The following ARFGEF1 variants were observed in gnomAD, a reference collection of about 807,000 sequenced individuals.
The protein encoded by ARFGEF1 is brefeldin A-inhibited guanine nucleotide-exchange protein 1.
Under a neutral mutation model 231.0 loss-of-function variants are expected in ARFGEF1, and 42 were observed. That is an observed-to-expected ratio of 0.18 (90% CI 0.14 to 0.24). The LOEUF is 0.24. ARFGEF1 is among the 10% of genes least tolerant of loss of function. The probability of loss-of-function intolerance (pLI) is 1.00; values close to 1 mark genes in which losing one functional copy is unlikely to be tolerated. For synonymous variants in ARFGEF1, 710 were observed against 732.3 expected (o/e 0.97, Z 0.49); for missense variants, 1,345 against 2,192.0 (o/e 0.61, Z 7.72).
chr8:67,335,896 A>G (rs556419158), intron 1 of ARFGEF1, among the ~76,000 whole-genome samples: 1 of 151,880 alleles, frequency 6.6e-6, no homozygotes, highest in South Asian at 2.1e-4. Context: ...ACAGGCGCCC[A>G]CTGCCACCAC....
chr8:67,301,283 C>T lies in ARFGEF1; in HGVS notation c.253G>A (p.Glu85Lys). 6.2e-7 allele frequency: 1 copy of T among 1,614,012 alleles called. No homozygotes were observed. Among genetic ancestry groups the T allele is most frequent in the Non-Finnish European group, 8.5e-7 (1 of 1,180,012 alleles). ...GGACATTTGGACTGGCATGCCAACTCAAAAGGCAAGAAGTACTTGTCTGCT... is the reference window on the plus strand; with the variant it reads ...GGACATTTGGACTGGCATGCCAACTTAAAAGGCAAGAAGTACTTGTCTGCT... The part of the protein sequence containing the change: ...IEADKYFLPF[E>K]LACQSKCPRI... The change falls in exon 3 of 39, where the codon GAG becomes AAG. Residue 85 changes from glutamate (E) to lysine (K), a missense_variant. Coordinates refer to ENST00000262215, the MANE Select transcript of ARFGEF1 (RefSeq NM_006421.5).
rs1007683139 is a variant in ARFGEF1, at chr8:67,291,132, G to A, written c.916+715C>T. ...CATTTAAAAATGACATCAAGCTAAG[G>A]AAGGGCAAAGGGAGAACACCACCAA... On this transcript the variant is annotated intron_variant, in intron 6 of 38. Coordinates refer to ENST00000262215, the MANE Select transcript of ARFGEF1 (RefSeq NM_006421.5). 2.0e-5 allele frequency among the ~76,000 whole-genome samples: 3 copies of A among 152,082 alleles called. No homozygotes were observed. The East Asian group carries it at 5.8e-4, about 29-fold the overall frequency.
At chr8:67,211,796 C>G (rs1249772996) in intron 33 of ARFGEF1, among the ~76,000 whole-genome samples, 181 bp from the exon 34 acceptor site, 1 of 152,208 alleles carries the variant, frequency 6.6e-6, no homozygotes, top group Non-Finnish European at 1.5e-5. Context: ...GAAAAGTTGA[C>G]TTTCTGACCC....
chr8:67,209,153 G>C (rs957723636), intron 34 of ARFGEF1, among the ~76,000 whole-genome samples: 12 of 152,206 alleles, frequency 7.9e-5, no homozygotes, highest in Non-Finnish European at 1.5e-4. Flanking sequence ...GTTTGTAGCA[G>C]AACTATTCAT....
intron 33 of ARFGEF1, among the ~76,000 whole-genome samples, chr8:67,212,775 A>C (rs1838796239): frequency 1.3e-5 from 2 of 152,238 alleles, no homozygotes; most frequent in Non-Finnish European, 2.9e-5. Flanking sequence ...TTTAAGGAAG[A>C]AATTACTCAG....
At chr8:67,337,128 C>CAAAAAAA (rs1160016610) in intron 1 of ARFGEF1, among the ~76,000 whole-genome samples, 8 of 54,968 alleles carry the variant, frequency 1.5e-4, no homozygotes, top group African/African-American at 2.9e-4. Flanking sequence ...GACGCCGTCT[C>CAAAAAAA]AAAAAAAAAA....
chr8:67,220,650 C>T (rs1203326788), intron 29 of ARFGEF1, among the ~76,000 whole-genome samples: 1 of 152,190 alleles, frequency 6.6e-6, no homozygotes, highest in South Asian at 2.1e-4. Flanking sequence ...CCACAGGAGA[C>T]GCCTGTCAGA....
intron 5 of ARFGEF1, among the ~76,000 whole-genome samples, chr8:67,185,714 A>G (rs942990243): frequency 7.9e-5 from 12 of 152,186 alleles, no homozygotes; most frequent in African/African-American, 2.7e-4. Context: ...GAAAAAAGTA[A>G]AACTTGCTGC....
intron 7 of ARFGEF1, among the ~76,000 whole-genome samples, chr8:67,285,352 C>CA (rs915345706): frequency 1.8e-4 from 27 of 151,808 alleles, no homozygotes; most frequent in Non-Finnish European, 3.4e-4. Context: ...CCCATCTCTA[C>CA]AAAAAAATAC....
chr8:67,312,548 TCAC>T (rs1418956454), intron 1 of ARFGEF1, among the ~76,000 whole-genome samples: 2 of 152,104 alleles, frequency 1.3e-5, no homozygotes, highest in South Asian at 2.1e-4. Context: ...AACAAACCTG[TCAC>T]CACAAGATCT....
chr8:67,239,272 C>T (rs1839860503), intron 20 of ARFGEF1, among the ~76,000 whole-genome samples: 1 of 152,132 alleles, frequency 6.6e-6, no homozygotes, highest in African/African-American at 2.4e-5. Context: ...TCCCAAAGTG[C>T]TGGGATTACA....
chr8:67,289,865 AC>A (rs765674332), intron 6 of ARFGEF1, among the ~76,000 whole-genome samples: 32 of 152,320 alleles, frequency 2.1e-4, no homozygotes, highest in Non-Finnish European at 4.4e-4. Flanking sequence ...GGCTAAAATT[AC>A]CTCAAGTCTG....
intron 5 of ARFGEF1, among the ~76,000 whole-genome samples, chr8:67,294,813 A>G (rs1423387607): frequency 6.6e-6 from 1 of 152,176 alleles, no homozygotes; most frequent in Non-Finnish European, 1.5e-5. Context: ...CCTAGAAGCA[A>G]TAACACAGAG....
intron 33 of ARFGEF1, among the ~76,000 whole-genome samples, 167 bp downstream of exon 33, chr8:67,216,423 G>A (rs935030532): frequency 2.0e-5 from 3 of 151,712 alleles, no homozygotes; most frequent in Admixed American, 2.0e-4. Context: ...ACAATTCCCA[G>A]CCTTCGTAAT....
In ARFGEF1 at chr8:67,244,822, CAACAGAG is replaced by C. The variant is rs1167484159; in HGVS notation, c.2851-4539_2851-4533del. Among the ~76,000 whole-genome samples the C allele has an allele frequency of 6.0e-5, 9 of 150,320 alleles. 1 individual carries two copies. The highest frequency in any genetic ancestry group is 1.2e-4 in the Non-Finnish European group (8 of 67,842). On this transcript the variant is annotated intron_variant, in intron 19 of 38. Transcript: ENST00000262215. ...GTAGAAAGTTTATTCAAAGGGATAA[CAACAGAG>C]AACTCCCCAAACCTAGATAAAAATA...
intron 5 of ARFGEF1, among the ~76,000 whole-genome samples, chr8:67,185,692 C>A (rs914256231): frequency 6.6e-6 from 1 of 152,014 alleles, no homozygotes; most frequent in Non-Finnish European, 1.5e-5. Context: ...GAGGTGGTAG[C>A]AAGGTTCCAA....
At chr8:67,335,554 G>A (rs1158472679) in intron 1 of ARFGEF1, among the ~76,000 whole-genome samples, 2 of 152,118 alleles carry the variant, frequency 1.3e-5, no homozygotes, top group Non-Finnish European at 2.9e-5. Context: ...TCTATATAAA[G>A]TGCTTGGCCT....
intron 7 of ARFGEF1, among the ~76,000 whole-genome samples, chr8:67,281,530 A>T (rs979146856): frequency 1.4e-5 from 2 of 147,286 alleles, no homozygotes; most frequent in African/African-American, 5.0e-5. Flanking sequence ...CAATAATGTT[A>T]AAAAAAAAAA....
At chr8:67,191,477 T>C (rs1221687564) in intron 5 of ARFGEF1, among the ~76,000 whole-genome samples, 1 of 152,262 alleles carries the variant, frequency 6.6e-6, no homozygotes, top group East Asian at 1.9e-4. Context: ...ACCAGTCTAC[T>C]TTGGTTTCTA....
Sources: allele counts gnomAD v4.1 joint callset (sites outside exome capture counted in the v4.1 genomes callset), GRCh38; gene constraint gnomAD v4.1.1; transcripts MANE v1.5; gene names NCBI Gene and HGNC (gene_info 2026-07-23, HGNC 2026-07-21).